The following NFIB variants were observed in gnomAD, a reference collection of about 807,000 sequenced individuals.
The protein encoded by NFIB is nuclear factor I B.
In NFIB, 11 loss-of-function variants were observed where a neutral mutation model predicts 61.5. That is an observed-to-expected ratio of 0.18 (90% CI 0.11 to 0.30). The LOEUF (loss-of-function observed/expected upper bound fraction) is 0.30, where lower values mean the gene tolerates loss of function less well. NFIB is among the 10% of genes least tolerant of loss of function. NFIB has a pLI of 1.00. For synonymous variants in NFIB, 260 were observed against 216.5 expected (o/e 1.20, Z -1.76); for missense variants, 471 against 608.9 (o/e 0.77, Z 2.38).
intron 10 of NFIB, 137 bp downstream of exon 10, chr9:14,112,862 T>G: frequency 2.9e-6 from 2 of 686,328 alleles, no homozygotes; most frequent in Non-Finnish European, 4.8e-6. Flanking sequence ...GAGAAAAAAT[T>G]CTGGGAAATG....
chr9:14,391,959 C>A (rs1335209577), intron 1 of NFIB, among the ~76,000 whole-genome samples: 1 of 152,204 alleles, frequency 6.6e-6, no homozygotes, highest in South Asian at 2.1e-4. Flanking sequence ...TGAATTCTTT[C>A]CTCCAAGGAA....
At chr9:14,133,578 C>G (rs2040657204) in intron 6 of NFIB, among the ~76,000 whole-genome samples, 2 of 152,140 alleles carry the variant, frequency 1.3e-5, no homozygotes, top group African/African-American at 4.8e-5. Flanking sequence ...AGTTTGGGCT[C>G]TGTTCCCAGA....
At chr9:14,466,815 T>A in the NFIB span, among the ~76,000 whole-genome samples, 1 of 152,190 alleles carries the variant, frequency 6.6e-6, no homozygotes, top group Non-Finnish European at 1.5e-5. Flanking sequence ...GGAGACACAG[T>A]GCAATTTGCC....
chr9:14,192,993 G>T (rs888286382), intron 2 of NFIB, among the ~76,000 whole-genome samples: 1 of 151,644 alleles, frequency 6.6e-6, no homozygotes, highest in Admixed American at 6.6e-5. Flanking sequence ...AAAACCAATA[G>T]ATTTCACGTG....
At chr9:14,389,417 A>C (rs1334833179) in intron 1 of NFIB, among the ~76,000 whole-genome samples, 8 of 152,180 alleles carry the variant, frequency 5.3e-5, no homozygotes, top group Admixed American at 4.6e-4. Flanking sequence ...TGAACATATT[A>C]AATAGATCCA....
In NFIB at chr9:14,217,707, T is replaced by G. The variant is rs1369531907; in HGVS notation, c.563-37927A>C. Among the ~76,000 whole-genome samples, 3 of 145,444 alleles carry G rather than the reference T, an allele frequency of 2.1e-5. No homozygotes were observed. In the East Asian group the frequency reaches 6.7e-4, roughly 32 times the overall value. The stretch of plus-strand genomic sequence containing the variant: ...GACACAAACTAAGCAAACTCTAAAT[T>G]TATATTATTTTGGAAGACTCATCAA... On this transcript the variant is annotated intron_variant, in intron 2 of 10. Coordinates refer to ENST00000380953, the MANE Select transcript of NFIB (RefSeq NM_001190737.2).
At chr9:14,236,461 G>A (rs1310376258) in intron 2 of NFIB, among the ~76,000 whole-genome samples, 8 of 152,104 alleles carry the variant, frequency 5.3e-5, no homozygotes, top group East Asian at 3.9e-4. Flanking sequence ...TAGAGTCCAC[G>A]GGTGTGAGTG....
Position 14,319,207 on chromosome 9 carries a change from A to G in NFIB, c.109-11687T>C, listed in dbSNP as rs1245577878. 8.6e-5 allele frequency among the ~76,000 whole-genome samples: 13 copies of G among 151,832 alleles called. No homozygotes were observed. In the South Asian group the frequency reaches 1.2e-3, roughly 15 times the overall value. The stretch of plus-strand genomic sequence containing the variant: ...CACTGTTTAAAAAAAAAAAAAAAGC[A>G]TCCCACTAAGTGTGTCTACATTTCT... On this transcript the variant is annotated intron_variant, in intron 1 of 8. Coordinates refer to the NFIB transcript ENST00000380934.
intron 2 of NFIB, chr9:14,306,020 T>A (rs1007906378): frequency 4.5e-6 from 5 of 1,114,028 alleles, no homozygotes; most frequent in Non-Finnish European, 6.2e-6. Context: ...AATTCTTACC[T>A]ACTTAAGGAA....
chr9:14,383,953 A>G lies in NFIB; in HGVS notation c.108+14571T>C, dbSNP rs569150943. ...TCGTGTTTCATCCAATCTCCTCACA[A>G]TTGTATAGGAGGGCATGTGGCCAAG... On this transcript the variant is annotated intron_variant, in intron 1 of 8. Transcript: ENST00000380934. 6.5e-4 allele frequency among the ~76,000 whole-genome samples: 99 copies of G among 152,186 alleles called. 2 individuals carry two copies. Among genetic ancestry groups the G allele is most frequent in the African/African-American group, 2.1e-3 (89 of 41,496 alleles).
intron 2 of NFIB, among the ~76,000 whole-genome samples, chr9:14,189,388 C>G (rs1318871432): frequency 6.6e-6 from 1 of 152,126 alleles, no homozygotes; most frequent in Non-Finnish European, 1.5e-5. Context: ...AACCATTTCA[C>G]GCACGAATCA....
rs1286779641 is a variant in NFIB, at chr9:14,086,950, A to G, written c.*1359T>C. ...TGCACACTATGGATCTGTCAATACA[A>G]GAAATTTGTTGAACAAGGCTAATGT... On this transcript the variant is annotated 3_prime_UTR_variant, in exon 11 of 11. Transcript: ENST00000380953. 4.9e-6 allele frequency: 1 copy of G among 203,212 alleles called. No homozygotes were observed. Among genetic ancestry groups the G allele is most frequent in the Non-Finnish European group, 1.0e-5 (1 of 98,724 alleles). 12.6% of individuals were successfully genotyped at this position (203,212 alleles called of 1,614,324 possible). A position where few individuals can be genotyped will look rare whatever the true frequency, so the allele number is the denominator to read the frequency against.
intron 2 of NFIB, among the ~76,000 whole-genome samples, chr9:14,216,711 C>A (rs2050967079): frequency 1.3e-5 from 2 of 152,162 alleles, no homozygotes; most frequent in African/African-American, 4.8e-5. Flanking sequence ...CAGGTCAGGT[C>A]TACCTAACAG....
At chr9:14,527,774 GTATGGTATC>G in the NFIB span, among the ~76,000 whole-genome samples, 4 of 152,014 alleles carry the variant, frequency 2.6e-5, no homozygotes, top group Non-Finnish European at 5.9e-5. Context: ...TATATGTATG[GTATGGTATC>G]TATTAGTTTC....
intron 3 of NFIB, among the ~76,000 whole-genome samples, chr9:14,174,831 C>T (rs916405112): frequency 2.7e-5 from 4 of 149,552 alleles, no homozygotes; most frequent in Non-Finnish European, 5.9e-5. Context: ...TTTCTCTTTT[C>T]TTTGACTTTG....
chr9:14,389,623 A>G (rs2061595663), intron 1 of NFIB, among the ~76,000 whole-genome samples: 1 of 152,176 alleles, frequency 6.6e-6, no homozygotes, highest in East Asian at 1.9e-4. Context: ...ATAGATGTCT[A>G]CTTTATATCC....
intron 1 of NFIB, among the ~76,000 whole-genome samples, chr9:14,382,522 GAC>G (rs1465461086): frequency 6.6e-6 from 1 of 152,122 alleles, no homozygotes; most frequent in African/African-American, 2.4e-5. Flanking sequence ...CTCAGAGCCT[GAC>G]ATGCAGCCTG....
intron 6 of NFIB, among the ~76,000 whole-genome samples, chr9:14,128,420 G>A (rs894683426): frequency 1.6e-4 from 25 of 152,164 alleles, no homozygotes; most frequent in African/African-American, 3.4e-4. Context: ...AATTTAGGCC[G>A]GGTGCAGTGG....
intron 2 of NFIB, among the ~76,000 whole-genome samples, chr9:14,291,825 T>A (rs994680667): frequency 6.6e-6 from 1 of 152,028 alleles, no homozygotes; most frequent in Non-Finnish European, 1.5e-5. Context: ...AGTTTTCTTA[T>A]AACAAATCTC....
Sources: allele counts gnomAD v4.1 joint callset (sites outside exome capture counted in the v4.1 genomes callset), GRCh38; gene constraint gnomAD v4.1.1; transcripts MANE v1.5; gene names NCBI Gene and HGNC (gene_info 2026-07-23, HGNC 2026-07-21).